CASP1: variants seen among roughly 807,000 people sequenced by gnomAD.
CASP1 encodes the protein caspase-1.
CASP1 carries 31 observed loss-of-function variants against 41.2 expected under a neutral mutation model. The observed-to-expected ratio is 0.75, with a 90% CI of 0.57 to 1.02. The LOEUF is 1.02. Among genes scored for constraint, CASP1 ranks in the 50% least tolerant of loss-of-function variants. The pLI, the probability that CASP1 is intolerant of heterozygous loss-of-function variation, is 0.00. For synonymous variants in CASP1, 163 were observed against 166.5 expected (o/e 0.98, Z 0.16); for missense variants, 490 against 495.7 (o/e 0.99, Z 0.11).
intron 7 of CASP1, 135 bp from the exon 8 acceptor site, chr11:105,027,086 G>C (rs945281301): frequency 1.1e-5 from 8 of 698,646 alleles, no homozygotes; most frequent in African/African-American, 1.1e-4. Context: ...AGGCGGAATG[G>C]GGTAGAGGGG....
rs200888641 is a variant in CASP1 at position 105,026,271 on chromosome 11, A to G, written c.1202T>C (p.Phe401Ser). 1 of 1,602,308 alleles carries G rather than the reference A, an allele frequency of 6.2e-7. No homozygotes were observed. The highest frequency in any genetic ancestry group is 8.5e-7 in the Non-Finnish European group (1 of 1,169,730). ...AGTTTCCTTATTTTAATGTCCTGGG[A>G]AGAGGTAGAAACATCTTGTCAAAGT... is the stretch of plus-strand genomic sequence containing the variant. The part of the protein sequence containing the change: ...RVTLTRCFYL[F>S]PGH The change falls in exon 9 of 9, where the codon TTC (phenylalanine) becomes TCC (serine). Residue 401 changes from phenylalanine to serine, a missense_variant. Physicochemically the swap from Phe to Ser is radical, Grantham distance 155 (BLOSUM62 -2). Coordinates refer to ENST00000533400, the MANE Select transcript of CASP1 (RefSeq NM_001257118.3).
At position 105,026,922 on chromosome 11, in the gene CASP1, C is replaced by T. The variant is rs1863337232; in HGVS notation, c.1036G>A (p.Gly346Ser). 3.1e-6 allele frequency: 5 copies of T among 1,604,174 alleles called. No individual in the cohort carries two copies. The highest frequency in any genetic ancestry group is 4.3e-6 in the Non-Finnish European group (5 of 1,171,260). Residue 346 changes from glycine (G) to serine (S), a missense_variant, in exon 8 of 9, where the codon GGC becomes AGC. By Grantham distance (56) the Gly-to-Ser change is moderately conservative. Transcript: ENST00000533400. The stretch of plus-strand genomic sequence containing the variant: ...ATGAGTCTTCCAATAAAAACAGAGC[C>T]CATTGTGGGATGTCTCCAAGAAACA... ...DNVSWRHPTM[G>S]SVFIGRLIEH... is the part of the protein sequence containing the mutation.
At position 105,031,403 on chromosome 11, in the gene CASP1, G is replaced by T. The variant is rs914212069; in HGVS notation, c.338-123C>A. 24 of 559,536 alleles carry T rather than the reference G, an allele frequency of 4.3e-5. No homozygotes were observed. The East Asian group carries it at 7.0e-4, about 16-fold the overall frequency. 34.7% of individuals were successfully genotyped at this position (559,536 alleles called of 1,614,324 possible). A position where few individuals can be genotyped will look rare whatever the true frequency, so the allele number is the denominator to read the frequency against. ...AATGCACTCTGAGGAGGACAATCCT[G>T]ATCTACATCATTAACACAGCTGAGT... On this transcript the variant is annotated intron_variant, in intron 3 of 8. Transcript: ENST00000533400.
intron 3 of CASP1, among the ~76,000 whole-genome samples, chr11:105,032,015 A>G (rs1013161895): frequency 2.6e-5 from 4 of 152,168 alleles, no homozygotes; most frequent in South Asian, 4.1e-4. Flanking sequence ...CAATCCAACA[A>G]TGTGATGTCC....
chr11:105,028,220 C>T (rs903212292), intron 7 of CASP1, among the ~76,000 whole-genome samples: 1 of 152,002 alleles, frequency 6.6e-6, no homozygotes, highest in Non-Finnish European at 1.5e-5. Flanking sequence ...AATGTAGAAC[C>T]AAGCTTCTTC....
intron 7 of CASP1, among the ~76,000 whole-genome samples, chr11:105,028,478 C>A (rs1281737532): frequency 6.6e-6 from 1 of 151,760 alleles, no homozygotes; most frequent in African/African-American, 2.4e-5. Flanking sequence ...TTGTGTCGTG[C>A]CCAATATTTC....
chr11:105,034,727 A>G (rs553677043), intron 1 of CASP1: 146 of 644,086 alleles, frequency 2.3e-4, no homozygotes, highest in African/African-American at 2.0e-3. Context: ...TCATCCTCTT[A>G]TGTCGCATGT....
intron 1 of CASP1, 166 bp from the exon 2 acceptor site, chr11:105,034,640 A>T (rs181402286): frequency 1.4e-5 from 16 of 1,180,696 alleles, no homozygotes; most frequent in Non-Finnish European, 1.8e-5. Context: ...GTTTCCCTCA[A>T]TAGTCTCCAT....
intron 3 of CASP1, among the ~76,000 whole-genome samples, chr11:105,031,937 G>C (rs991932743): frequency 3.9e-5 from 6 of 152,060 alleles, no homozygotes; most frequent in African/African-American, 1.4e-4. Context: ...ACAGACACTT[G>C]AGGAAATGTT....
intron 4 of CASP1, 182 bp downstream of exon 4, chr11:105,030,983 T>C (rs1439155884): frequency 5.4e-6 from 3 of 551,802 alleles, no homozygotes; most frequent in Non-Finnish European, 9.9e-6. Flanking sequence ...GTGGATCCAA[T>C]TTGGACCTCT....
intron 3 of CASP1, 72 bp from the exon 4 acceptor site, chr11:105,031,352 C>T (rs1432483224): frequency 2.3e-5 from 19 of 815,948 alleles, no homozygotes; most frequent in South Asian, 1.8e-4. Flanking sequence ...TACAGCCTCA[C>T]CTATGGATGA....
Position 105,026,835 on chromosome 11 carries a change from A to C in CASP1, c.1116+7T>G, listed in dbSNP as rs558362265. On this transcript the variant is annotated splice_region_variant and intron_variant, in intron 8 of 8. Transcript: ENST00000533400. Reference sequence around the variant, plus strand: ...TAGAGTGAAAATAGCATCCACTAGCATCTTACCTTGCGGAAAATTTCCTCC... The same window carrying C: ...TAGAGTGAAAATAGCATCCACTAGCCTCTTACCTTGCGGAAAATTTCCTCC... 16 of 1,442,988 alleles carry C rather than the reference A, an allele frequency of 1.1e-5. No homozygotes were observed. The South Asian group carries it at 1.8e-4, about 16-fold the overall frequency. 89.4% of individuals were successfully genotyped at this position (1,442,988 alleles called of 1,614,324 possible). A position where few individuals can be genotyped will look rare whatever the true frequency, so the allele number is the denominator to read the frequency against.
At chr11:105,030,265 C>G (rs1432747377) in intron 5 of CASP1, 65 bp downstream of exon 5, 24 of 1,365,768 alleles carry the variant, frequency 1.8e-5, no homozygotes, top group Non-Finnish European at 2.3e-5. Flanking sequence ...TACAACCAAG[C>G]TTTCTAATAT....
intron 4 of CASP1, 131 bp from the exon 5 acceptor site, chr11:105,030,634 G>T: frequency 2.8e-6 from 2 of 713,654 alleles, no homozygotes; most frequent in Non-Finnish European, 4.6e-6. Context: ...CATTGAAAAG[G>T]GGGAACAGAA....
In CASP1 at chr11:105,029,771, G is replaced by C; in HGVS notation, c.756C>G (p.Val252=). The change falls in exon 6 of 9, where the codon GTC becomes GTG. Residue 252 remains valine (V), a synonymous_variant. Transcript: ENST00000533400. The part of the protein sequence containing the change: ...GICGKKHSEQ[V]PDILQLNAIF... Reference sequence around the variant, plus strand: ...TTGCATTGAGTTGTAGTATATCTGGGACTTGCTCAGAGTGTTTCTTCCCAC... The same window carrying C: ...TTGCATTGAGTTGTAGTATATCTGGCACTTGCTCAGAGTGTTTCTTCCCAC... 6.2e-7 allele frequency: 1 copy of C among 1,613,550 alleles called. No individual in the cohort carries two copies. The highest frequency in any genetic ancestry group is 1.3e-5 in the African/African-American group (1 of 74,974).
At position 105,029,110 on chromosome 11, in the gene CASP1, T is replaced by C; in HGVS notation, c.1006+14A>G. 6.2e-7 allele frequency: 1 copy of C among 1,610,892 alleles called. No individual in the cohort carries two copies. The highest frequency in any genetic ancestry group is 8.5e-7 in the Non-Finnish European group (1 of 1,178,518). ...ATAGCCCCAACAAAGATGTCCTGTG[T>C]AGAAACCTGTTACCTGGTGTGGAAG... On this transcript the variant is annotated intron_variant, in intron 7 of 8. Transcript: ENST00000533400.
At position 105,031,248 on chromosome 11, in the gene CASP1, G is replaced by T. The variant is rs199932541; in HGVS notation, c.370C>A (p.Pro124Thr). 1 of 1,612,098 alleles carries T rather than the reference G, an allele frequency of 6.2e-7. No homozygotes were observed. The highest frequency in any genetic ancestry group is 1.1e-5 in the South Asian group (1 of 91,030). Residue 124 changes from proline to threonine, a missense_variant, in exon 4 of 9, where the codon CCC (proline) becomes ACC (threonine). By Grantham distance (38) the Pro-to-Thr change is conservative. Transcript: ENST00000533400. ...PQAVQDNPAM[P>T]TSSGSEGNVK... ...TTCCCTTCTGAGCCTGAGGATGTGG[G>T]CATAGCTGGGTTGTCCTGCACTGCC...
At chr11:105,026,763 A>G in intron 8 of CASP1, 79 bp downstream of exon 8, 1 of 807,950 alleles carries the variant, frequency 1.2e-6, no homozygotes, top group Non-Finnish European at 2.2e-6. Context: ...ACTTGTCTGG[A>G]TCTGCTTTCT....
At chr11:105,027,232 A>G (rs1863363696) in intron 7 of CASP1, 3 of 589,516 alleles carry the variant, frequency 5.1e-6, no homozygotes, top group African/African-American at 3.7e-5. Context: ...ATAACTCCAT[A>G]CACAAGAGGT....
Sources: allele counts gnomAD v4.1 joint callset (sites outside exome capture counted in the v4.1 genomes callset), GRCh38; gene constraint gnomAD v4.1.1; transcripts MANE v1.5; gene names NCBI Gene and HGNC (gene_info 2026-07-23, HGNC 2026-07-21).